TSPAN7: variants seen among roughly 807,000 people sequenced by gnomAD.
The protein encoded by TSPAN7 is tetraspanin 7.
A neutral mutation model predicts 17.6 loss-of-function variants in TSPAN7; 1 was observed. The ratio of observed to expected loss-of-function variants is 0.06; its 90% CI spans 0.02 to 0.27. The LOEUF is 0.27. Among genes scored for constraint, TSPAN7 ranks in the 10% least tolerant of loss-of-function variants. The pLI, the probability that TSPAN7 is intolerant of heterozygous loss-of-function variation, is 1.00. For synonymous variants in TSPAN7, 78 were observed against 79.0 expected (o/e 0.99, Z 0.07); for missense variants, 112 against 201.7 (o/e 0.56, Z 2.69).
chrX:38,610,246 G>A (rs1389545066), intron 1 of TSPAN7, among the ~76,000 whole-genome samples: 1 of 111,496 alleles, frequency 9.0e-6, no homozygotes, highest in Non-Finnish European at 1.9e-5. Flanking sequence ...GGAAACTGAG[G>A]CACAGAGCAG....
chrX:38,639,353 GA>G (rs1300259517), intron 1 of TSPAN7, among the ~76,000 whole-genome samples: 1 of 108,539 alleles, frequency 9.2e-6, no homozygotes, highest in East Asian at 2.9e-4. Context: ...GAGTGGTGGA[GA>G]GGGGATTCCA....
At chrX:38,566,141 C>G (rs1208238098) in intron 1 of TSPAN7, among the ~76,000 whole-genome samples, 1 of 112,097 alleles carries the variant, frequency 8.9e-6, no homozygotes, top group African/African-American at 3.2e-5. Context: ...AACACAATCA[C>G]GTGAGAAGAA....
At chrX:38,663,717 T>C (rs1222650625) in intron 1 of TSPAN7, among the ~76,000 whole-genome samples, 1 of 112,220 alleles carries the variant, frequency 8.9e-6, no homozygotes, top group African/African-American at 3.2e-5. Context: ...ATTAAAATGA[T>C]CTTGGTACTG....
Position 38,674,202 on chromosome X carries a change from C to T in TSPAN7, c.346-19C>T. 8.7e-7 allele frequency: 1 copy of T among 1,155,016 alleles called. No homozygotes were observed. Among genetic ancestry groups the T allele is most frequent in the South Asian group, 1.9e-5 (1 of 53,122 alleles). On this transcript the variant is annotated intron_variant, in intron 3 of 7. Transcript: ENST00000378482. ...GGGCTGTGGTGGACTGCAATCACAT[C>T]CCTCCTTGTCTTCCATAGATCAAGG...
At chrX:38,674,899 G>T (rs770263502) in intron 4 of TSPAN7, among the ~76,000 whole-genome samples, 6 of 111,798 alleles carry the variant, frequency 5.4e-5, no homozygotes, top group Admixed American at 9.5e-5. Flanking sequence ...GGGGGATTTT[G>T]CTTTGGTTTT....
At chrX:38,580,739 C>T (rs1427157457) in intron 1 of TSPAN7, among the ~76,000 whole-genome samples, 3 of 111,697 alleles carry the variant, frequency 2.7e-5, no homozygotes, top group East Asian at 5.6e-4. Flanking sequence ...GTAATTACTC[C>T]TCATTTTGAG....
At chrX:38,608,047 G>A (rs1356160530) in intron 1 of TSPAN7, among the ~76,000 whole-genome samples, 1 of 110,465 alleles carries the variant, frequency 9.1e-6, no homozygotes, top group African/African-American at 3.3e-5. Flanking sequence ...GGAAATATGG[G>A]AGAACTGGAG....
rs1270507250 is a variant in TSPAN7 at position 38,674,217 on chromosome X, A to G, written c.346-4A>G. ...GCAATCACATCCCTCCTTGTCTTCC[A>G]TAGATCAAGGACACCTTCCTGAGGA... On this transcript the variant is annotated splice_polypyrimidine_tract_variant and splice_region_variant and intron_variant, in intron 3 of 7. Transcript: ENST00000378482. The G allele has an allele frequency of 3.4e-6, 4 of 1,182,655 alleles. No individual in the cohort carries two copies. Among genetic ancestry groups the G allele is most frequent in the Admixed American group, 4.6e-5 (2 of 43,264 alleles).
At chrX:38,574,267 A>C (rs887954965) in intron 1 of TSPAN7, among the ~76,000 whole-genome samples, 1 of 112,317 alleles carries the variant, frequency 8.9e-6, no homozygotes, top group Non-Finnish European at 1.9e-5. Context: ...GCAGTAAGAA[A>C]AAATTAACAT....
intron 1 of TSPAN7, among the ~76,000 whole-genome samples, chrX:38,599,243 G>T (rs2069333032): frequency 9.0e-6 from 1 of 110,881 alleles, no homozygotes; most frequent in African/African-American, 3.3e-5. Flanking sequence ...AGTCTCTTTT[G>T]GGTAGTGGGT....
At position 38,563,506 on chromosome X, in the gene TSPAN7, A is replaced by T. The variant is rs148327146; in HGVS notation, c.81+1879A>T. Among the ~76,000 whole-genome samples the T allele has an allele frequency of 5.7e-3, 631 of 111,137 alleles. 6 individuals carry two copies. The highest frequency in any genetic ancestry group is 0.02 in the African/African-American group (610 of 30,371). On this transcript the variant is annotated intron_variant, in intron 1 of 7. Coordinates refer to ENST00000378482, the MANE Select transcript of TSPAN7 (RefSeq NM_004615.4). ...GGGAGGTATTTTTATCTTCCTTAAA[A>T]ATAAGGTTAACAGTGCACATGAAGA...
At chrX:38,635,002 GC>G (rs199823977) in intron 1 of TSPAN7, among the ~76,000 whole-genome samples, 1,796 of 110,912 alleles carry the variant, frequency 0.016, 32 homozygotes, top group African/African-American at 0.056. Context: ...GAAGGATGTG[GC>G]CCCTGGGTCG....
chrX:38,687,646 C>A lies in TSPAN7; in HGVS notation c.729C>A (p.Ala243=). The A allele has an allele frequency of 5.0e-6, 6 of 1,210,722 alleles. No homozygotes were observed. Among genetic ancestry groups the A allele is most frequent in the Non-Finnish European group, 6.7e-6 (6 of 895,099 alleles). Residue 243 remains alanine (A), a synonymous_variant, in exon 7 of 8, where the codon GCC becomes GCA. Coordinates refer to ENST00000378482, the MANE Select transcript of TSPAN7 (RefSeq NM_004615.4). ...GCTGTCTGTCCCGGTTCATCACGGC[C>A]AATCAGTATGAGATGGTGTAAGGAG... is the stretch of plus-strand genomic sequence containing the variant. ...LACCLSRFIT[A]NQYEMV
chrX:38,680,296 G>T (rs1330241763), intron 5 of TSPAN7, among the ~76,000 whole-genome samples: 1 of 110,816 alleles, frequency 9.0e-6, no homozygotes, highest in Non-Finnish European at 1.9e-5. Context: ...ACTTAAAAAG[G>T]GAAAACATGG....
intron 1 of TSPAN7, among the ~76,000 whole-genome samples, chrX:38,578,311 C>T (rs1460814956): frequency 1.8e-5 from 2 of 111,677 alleles, no homozygotes; most frequent in African/African-American, 6.5e-5. Context: ...AGCATTTGGC[C>T]GGCAGCATTA....
chrX:38,577,537 C>A (rs1247125819), intron 1 of TSPAN7, among the ~76,000 whole-genome samples: 1 of 107,345 alleles, frequency 9.3e-6, no homozygotes, highest in Non-Finnish European at 1.9e-5. Flanking sequence ...AGCTGGAAAC[C>A]ATCATTCTCA....
At chrX:38,663,131 G>A (rs1486088712) in intron 1 of TSPAN7, among the ~76,000 whole-genome samples, 1 of 98,230 alleles carries the variant, frequency 1.0e-5, no homozygotes, top group African/African-American at 3.8e-5. Flanking sequence ...ATCAATGAGT[G>A]GATAAAGAAA....
At chrX:38,659,964 T>C (rs1393310649) in intron 1 of TSPAN7, among the ~76,000 whole-genome samples, 1 of 107,859 alleles carries the variant, frequency 9.3e-6, no homozygotes, top group African/African-American at 3.4e-5. Flanking sequence ...GTAGCTGGGA[T>C]TACAGGCACG....
At chrX:38,640,038 T>C in intron 1 of TSPAN7, among the ~76,000 whole-genome samples, 1 of 111,948 alleles carries the variant, frequency 8.9e-6, no homozygotes, top group Non-Finnish European at 1.9e-5. Context: ...CTACAATGGA[T>C]CTGTCCCATA....
Sources: gnomAD v4.1 joint callset for allele counts (sites outside exome capture counted in the v4.1 genomes callset) on GRCh38, gnomAD v4.1.1 for gene constraint, MANE v1.5 for transcripts, NCBI Gene and HGNC (gene_info 2026-07-23, HGNC 2026-07-21) for gene names.